The following LGMN variants were observed in gnomAD, a reference collection of about 807,000 sequenced individuals.
LGMN encodes the protein asparaginyl endopeptidase.
A neutral mutation model predicts 56.8 loss-of-function variants in LGMN; 36 were observed. The ratio of observed to expected loss-of-function variants is 0.63; its 90% confidence interval spans 0.49 to 0.84. LGMN has a LOEUF of 0.84. Ranked by LOEUF, LGMN falls within the 40% of genes least tolerant of loss-of-function variation. The probability of loss-of-function intolerance (pLI) is 0.00; values close to 1 mark genes in which losing one functional copy is unlikely to be tolerated. For missense variants in LGMN, 446 were observed against 556.1 expected, an observed-to-expected ratio of 0.80 and a Z score of 1.99; for synonymous variants, 199 against 210.1, an observed-to-expected ratio of 0.95 and a Z score of 0.46.
intron 1 of LGMN, among the ~76,000 whole-genome samples, chr14:92,743,492 G>T (rs1056484569): frequency 2.7e-5 from 4 of 150,596 alleles, no homozygotes; most frequent in African/African-American, 9.8e-5. Flanking sequence ...AACAAAGCGA[G>T]ACTCCGTCTC....
At chr14:92,745,076 T>C (rs1891759933) in intron 1 of LGMN, among the ~76,000 whole-genome samples, 1 of 152,152 alleles carries the variant, frequency 6.6e-6, no homozygotes, top group African/African-American at 2.4e-5. Flanking sequence ...AGCCAGAGGG[T>C]CACTTGGGCC....
chr14:92,745,303 C>T (rs1288139558), intron 1 of LGMN, among the ~76,000 whole-genome samples: 3 of 152,194 alleles, frequency 2.0e-5, no homozygotes, highest in Non-Finnish European at 4.4e-5. Flanking sequence ...ATGACTGAGC[C>T]TAACTTTTTA....
chr14:92,711,378 C>G (rs1408976543), intron 10 of LGMN, among the ~76,000 whole-genome samples: 1 of 152,226 alleles, frequency 6.6e-6, no homozygotes, highest in African/African-American at 2.4e-5. Flanking sequence ...TTGCATGCTC[C>G]TAGCTACCTT....
intron 1 of LGMN, chr14:92,743,055 T>C (rs968609975): frequency 6.6e-6 from 1 of 151,418 alleles, no homozygotes; most frequent in Admixed American, 6.6e-5. Flanking sequence ...TCTGATGCAA[T>C]TTTTCTTTAA....
chr14:92,707,957 G>C (rs1015061213), intron 11 of LGMN, among the ~76,000 whole-genome samples: 2 of 152,098 alleles, frequency 1.3e-5, no homozygotes, highest in African/African-American at 4.8e-5. Context: ...TTTGAGACCA[G>C]TCTGGCCAAC....
At chr14:92,718,311 C>G (rs572076189) in intron 3 of LGMN, among the ~76,000 whole-genome samples, 1 of 152,278 alleles carries the variant, frequency 6.6e-6, no homozygotes, top group Non-Finnish European at 1.5e-5. Flanking sequence ...TGGTGGCTCA[C>G]ATCTGTAATC....
rs77291096 is a variant in LGMN at position 92,704,631 on chromosome 14, A to G, written c.1259+9T>C. ...TCGACCTTTCAAGCGTCACCGCTGC[A>G]TTAGTTACCTGTGAAGCGGATACGG... On this transcript the variant is annotated intron_variant, in intron 13 of 13. Coordinates refer to ENST00000334869, the MANE Select transcript of LGMN (RefSeq NM_005606.7). 3.4e-3 allele frequency: 5,404 copies of G among 1,607,328 alleles called. 167 individuals carry two copies. The African/African-American group carries it at 0.062, about 19-fold the overall frequency.
At chr14:92,717,166 G>GTGC (rs1890113347) in intron 4 of LGMN, among the ~76,000 whole-genome samples, 1 of 152,190 alleles carries the variant, frequency 6.6e-6, no homozygotes, top group Non-Finnish European at 1.5e-5. Context: ...GGAACTATCA[G>GTGC]TGGATTGCAA....
chr14:92,740,638 T>C (rs1891506563), intron 1 of LGMN, among the ~76,000 whole-genome samples: 1 of 152,172 alleles, frequency 6.6e-6, no homozygotes, highest in Non-Finnish European at 1.5e-5. Context: ...GCCCTCACAG[T>C]TTCCTCCGGC....
At position 92,704,142 on chromosome 14, in the gene LGMN, G is replaced by T. The variant is rs1464762389; in HGVS notation, c.*177C>A. 2.6e-6 allele frequency: 2 copies of T among 762,256 alleles called. No homozygotes were observed. Among genetic ancestry groups the T allele is most frequent in the Admixed American group, 3.9e-5 (2 of 50,788 alleles). 47.2% of individuals were successfully genotyped at this position (762,256 alleles called of 1,614,324 possible). A position where few individuals can be genotyped will look rare whatever the true frequency, so the allele number is the denominator to read the frequency against. On this transcript the variant is annotated 3_prime_UTR_variant, in exon 14 of 14. Coordinates refer to ENST00000334869, the MANE Select transcript of LGMN (RefSeq NM_005606.7). ...TTGTAGTTTTTCAGAAAAGACTGGG[G>T]AAGCAGGTAACAGCGAGCAAGTCAT...
In LGMN at chr14:92,725,561, G is replaced by A. The variant is rs377377960; in HGVS notation, c.139-6717C>T. ...CCTGTTGCTGAAAATAAAAATAAAA[G>A]CGGATTTCTTTTTTCTTTTTCTTTT... On this transcript the variant is annotated intron_variant, in intron 2 of 13. Coordinates refer to ENST00000334869, the MANE Select transcript of LGMN (RefSeq NM_005606.7). Among the ~76,000 whole-genome samples the A allele has an allele frequency of 4.2e-4, 64 of 151,980 alleles. No homozygotes were observed. In the East Asian group the frequency reaches 8.5e-3, roughly 20 times the overall value.
chr14:92,736,708 TC>T (rs1349232827), intron 1 of LGMN, among the ~76,000 whole-genome samples: 1 of 152,144 alleles, frequency 6.6e-6, no homozygotes, highest in African/African-American at 2.4e-5. Context: ...ATTAACCTGT[TC>T]CCTTAACCAT....
At chr14:92,741,768 C>CAGG (rs948210611) in intron 1 of LGMN, 1 of 152,280 alleles carries the variant, frequency 6.6e-6, no homozygotes, top group African/African-American at 2.4e-5. Flanking sequence ...GAGGCTGAGG[C>CAGG]AGGAGAATGG....
At chr14:92,734,288 G>A (rs371955560) in intron 1 of LGMN, among the ~76,000 whole-genome samples, 19 of 152,296 alleles carry the variant, frequency 1.2e-4, no homozygotes, top group African/African-American at 4.3e-4. Flanking sequence ...GGCTGGTCCG[G>A]CACTCTTTCT....
intron 12 of LGMN, 26 bp from the exon 13 acceptor site, chr14:92,704,733 G>A: frequency 6.3e-7 from 1 of 1,584,066 alleles, no homozygotes; most frequent in Non-Finnish European, 8.7e-7. Context: ...CGAGAAGAAT[G>A]AAACTTCCTC....
At chr14:92,719,670 C>G (rs1417961366) in intron 2 of LGMN, among the ~76,000 whole-genome samples, 2 of 152,128 alleles carry the variant, frequency 1.3e-5, no homozygotes, top group Non-Finnish European at 2.9e-5. Context: ...AGAAATTGCT[C>G]TTAAGTTTTA....
chr14:92,724,090 C>A (rs1890628813), intron 2 of LGMN, among the ~76,000 whole-genome samples: 1 of 152,182 alleles, frequency 6.6e-6, no homozygotes, highest in Admixed American at 6.5e-5. Flanking sequence ...GATGTTTGCA[C>A]AACTTGGTAA....
chr14:92,711,529 G>T, intron 10 of LGMN, 130 bp downstream of exon 10: 1 of 858,308 alleles, frequency 1.2e-6, no homozygotes, highest in Non-Finnish European at 2.0e-6. Flanking sequence ...TGGCATGAGA[G>T]GCAGAGGCAT....
Position 92,712,849 on chromosome 14 carries a change from C to T in LGMN, c.566G>A (p.Cys189Tyr). The T allele has an allele frequency of 6.2e-7, 1 of 1,614,020 alleles. No homozygotes were observed. The highest frequency in any genetic ancestry group is 1.3e-5 in the African/African-American group (1 of 75,058). Residue 189 changes from cysteine (C) to tyrosine (Y), a missense_variant, in exon 8 of 14, where the codon TGT (cysteine) becomes TAT (tyrosine). Cys to Tyr is a radical substitution (Grantham distance 194). Transcript: ENST00000334869. Reference sequence around the variant, plus strand: ...GTGGTTCATCATGGACCCAGACTCACAGGCTTCAATGTAGAACACCATCTG... The same window carrying T: ...GTGGTTCATCATGGACCCAGACTCATAGGCTTCAATGTAGAACACCATCTG... The part of the protein sequence containing the change: ...YRKMVFYIEA[C>Y]ESGSMMNHLP...
Sources: gnomAD v4.1 joint callset for allele counts (sites outside exome capture counted in the v4.1 genomes callset) on GRCh38, gnomAD v4.1.1 for gene constraint, MANE v1.5 for transcripts, NCBI Gene and HGNC (gene_info 2026-07-23, HGNC 2026-07-21) for gene names.